The following AKR1C3 variants were observed in gnomAD, a reference collection of about 807,000 sequenced individuals.
AKR1C3 encodes aldo-keto reductase family 1 member C3, also known as 3-alpha hydroxysteroid dehydrogenase, type II.
AKR1C3 carries 48 observed loss-of-function variants against 43.6 expected under a neutral mutation model. The ratio of observed to expected loss-of-function variants is 1.10; its 90% CI spans 0.87 to 1.40. The LOEUF is 1.40. Ranked by LOEUF, AKR1C3 falls within the 40% of genes most tolerant of loss-of-function variation. AKR1C3 has a pLI of 0.00. For missense variants in AKR1C3, 482 were observed against 391.2 expected, an observed-to-expected ratio of 1.23 and a Z score of -1.96; for synonymous variants, 162 against 139.6, an observed-to-expected ratio of 1.16 and a Z score of -1.13.
intron 7 of AKR1C3, among the ~76,000 whole-genome samples, chr10:5,103,866 G>C (rs782047792): frequency 6.6e-6 from 1 of 151,698 alleles, no homozygotes; most frequent in Non-Finnish European, 1.5e-5. Context: ...AGGGACATGT[G>C]AGTGTTGGAG....
chr10:5,069,375 T>G (rs868994267), intron 1 of AKR1C3, among the ~76,000 whole-genome samples: 2 of 152,222 alleles, frequency 1.3e-5, no homozygotes, highest in South Asian at 4.1e-4. Flanking sequence ...TCAAATTCTA[T>G]TTATGAAAGT....
intron 1 of AKR1C3, among the ~76,000 whole-genome samples, chr10:5,085,392 A>C (rs1257927234): frequency 6.6e-6 from 1 of 152,008 alleles, no homozygotes; most frequent in African/African-American, 2.4e-5. Flanking sequence ...TGATTTGCAT[A>C]TGTTGAACCA....
chr10:5,064,714 G>A (rs1554780607), intron 1 of AKR1C3, among the ~76,000 whole-genome samples: 1 of 152,038 alleles, frequency 6.6e-6, no homozygotes, highest in Non-Finnish European at 1.5e-5. Flanking sequence ...ATTAAAAAGT[G>A]GGGAAAATAC....
chr10:5,097,839 C>A (rs1239194151), intron 3 of AKR1C3: 1 of 1,166,830 alleles, frequency 8.6e-7, no homozygotes, highest in Non-Finnish European at 1.1e-6. Context: ...GCTTTTGAGT[C>A]CATCTCTTGG....
intron 8 of AKR1C3, 114 bp from the exon 9 acceptor site, chr10:5,107,347 A>T: frequency 1.3e-6 from 1 of 742,058 alleles, no homozygotes; most frequent in Non-Finnish European, 2.3e-6. Context: ...GGCAGATTCT[A>T]CAACTAGTCA....
intron 5 of AKR1C3, among the ~76,000 whole-genome samples, chr10:5,100,318 G>C (rs1199295689): frequency 6.6e-6 from 1 of 152,140 alleles, no homozygotes; most frequent in African/African-American, 2.4e-5. Context: ...AAAATTACCT[G>C]TTTATGGAGG....
intron 1 of AKR1C3, among the ~76,000 whole-genome samples, chr10:5,061,194 C>G (rs1028602647): frequency 1.3e-5 from 2 of 152,210 alleles, no homozygotes; most frequent in Admixed American, 6.5e-5. Flanking sequence ...TGCCAGCACA[C>G]TGTCACCTCT....
At chr10:5,090,824 G>A (rs1839072623), upstream of AKR1C3, among the ~76,000 whole-genome samples, 1 of 152,132 alleles carries the variant, frequency 6.6e-6, no homozygotes, top group African/African-American at 2.4e-5. Context: ...GATGAGTGGT[G>A]ATGAAATTAC....
At chr10:5,101,411 A>T (rs1213776102) in intron 5 of AKR1C3, among the ~76,000 whole-genome samples, 1 of 152,076 alleles carries the variant, frequency 6.6e-6, no homozygotes, top group Non-Finnish European at 1.5e-5. Context: ...ACATTTTACT[A>T]TGAAAAAAAA....
chr10:5,053,939 T>C (rs1162795957), intron 1 of AKR1C3, among the ~76,000 whole-genome samples: 1 of 152,122 alleles, frequency 6.6e-6, no homozygotes, highest in Non-Finnish European at 1.5e-5. Context: ...AGGTTAAAAA[T>C]ACAGGGCCCA....
intron 8 of AKR1C3, among the ~76,000 whole-genome samples, chr10:5,106,873 G>C (rs1375357542): frequency 7.7e-6 from 1 of 129,328 alleles, no homozygotes; most frequent in Non-Finnish European, 1.8e-5. Context: ...TTAAAAATTG[G>C]TAGATATCAT....
At chr10:5,051,032 C>T (rs1838142138) in intron 1 of AKR1C3, among the ~76,000 whole-genome samples, 1 of 152,140 alleles carries the variant, frequency 6.6e-6, no homozygotes, top group African/African-American at 2.4e-5. Context: ...CAGAATGACT[C>T]TTTGCTCTGT....
At chr10:5,084,932 C>A (rs1284334070) in intron 1 of AKR1C3, among the ~76,000 whole-genome samples, 1 of 152,040 alleles carries the variant, frequency 6.6e-6, no homozygotes. Flanking sequence ...GATTTTGTAT[C>A]CTGAGACTTT....
In AKR1C3 at chr10:5,096,459, G is replaced by T; in HGVS notation, c.134G>T (p.Gly45Val). The change falls in exon 2 of 9, where the codon GGG becomes GTG. Residue 45 changes from glycine to valine, a missense_variant. Physicochemically the swap from Gly to Val is moderately radical, Grantham distance 109 (BLOSUM62 -3). Transcript: ENST00000380554. ...GTCACAAAATTAGCAATAGAAGCTG[G>T]GTTCCGCCATATAGATTCTGCTCAT... ...LEVTKLAIEA[G>V]FRHIDSAHLY... 1 of 1,613,750 alleles carries T rather than the reference G, an allele frequency of 6.2e-7. No individual in the cohort carries two copies. Among genetic ancestry groups the T allele is most frequent in the Non-Finnish European group, 8.5e-7 (1 of 1,179,722 alleles).
chr10:5,106,173 G>GT (rs1839494879), intron 8 of AKR1C3, among the ~76,000 whole-genome samples: 2 of 152,078 alleles, frequency 1.3e-5, no homozygotes, highest in South Asian at 4.1e-4. Flanking sequence ...TATTTCAAAT[G>GT]TTTTTCCTCC....
Position 5,095,624 on chromosome 10 carries a change from A to G in AKR1C3, c.85-786A>G, listed in dbSNP as rs868937460. On this transcript the variant is annotated intron_variant, in intron 1 of 8. Coordinates refer to ENST00000380554, the MANE Select transcript of AKR1C3 (RefSeq NM_003739.6). ...ATTTATATTTTTGTCATTAAAAAAT[A>G]CCTTTCAAATCTTTATCCAAATTTG... Among the ~76,000 whole-genome samples the G allele has an allele frequency of 1.9e-4, 29 of 152,280 alleles. 3 individuals carry two copies. The Middle Eastern group carries it at 0.031, about 161-fold the overall frequency.
intron 6 of AKR1C3, 130 bp downstream of exon 6, chr10:5,102,340 G>A (rs1418811155): frequency 1.1e-5 from 17 of 1,595,248 alleles, no homozygotes; most frequent in Non-Finnish European, 1.2e-5. Flanking sequence ...CATTTCTGAC[G>A]AGATCTTGGA....
intron 1 of AKR1C3, among the ~76,000 whole-genome samples, chr10:5,079,228 G>T (rs1292529571): frequency 6.6e-6 from 1 of 152,186 alleles, no homozygotes; most frequent in Non-Finnish European, 1.5e-5. Context: ...GGAGGCAGGA[G>T]TGGGGCCCCC....
chr10:5,054,782 CTCTG>C (rs1243238071), intron 1 of AKR1C3, among the ~76,000 whole-genome samples: 2 of 152,102 alleles, frequency 1.3e-5, no homozygotes, highest in Non-Finnish European at 2.9e-5. Context: ...GTCTCTTCCC[CTCTG>C]TCTCTTTCTT....
Sources: allele counts gnomAD v4.1 joint callset (sites outside exome capture counted in the v4.1 genomes callset), GRCh38; gene constraint gnomAD v4.1.1; transcripts MANE v1.5; gene names NCBI Gene and HGNC (gene_info 2026-07-23, HGNC 2026-07-21).